The following ZNF107 variants were observed in gnomAD, a reference collection of about 807,000 sequenced individuals.
The protein encoded by ZNF107 is zinc finger protein 107.
ZNF107 carries 19 observed loss-of-function variants against 12.3 expected under a neutral mutation model. That is an observed-to-expected ratio of 1.55 (90% CI 1.08 to 2.27). ZNF107 has a LOEUF of 2.27. ZNF107 is among the 30% of genes most tolerant of loss of function. ZNF107 has a pLI of 0.00. For synonymous variants in ZNF107, 317 were observed against 330.5 expected, an observed-to-expected ratio of 0.96 and a Z score of 0.44; for missense variants, 958 against 979.9, an observed-to-expected ratio of 0.98 and a Z score of 0.30.
At chr7:64,694,269 G>A (rs1201373777) in intron 3 of ZNF107, among the ~76,000 whole-genome samples, 4 of 152,214 alleles carry the variant, frequency 2.6e-5, no homozygotes. Flanking sequence ...GCAGACTGTG[G>A]CTGGGAGAAG....
At position 64,706,742 on chromosome 7, in the gene ZNF107, T is replaced by G; in HGVS notation, c.645T>G (p.Thr215=). The G allele has an allele frequency of 6.2e-7, 1 of 1,612,684 alleles. No individual in the cohort carries two copies. Among genetic ancestry groups the G allele is most frequent in the Non-Finnish European group, 8.5e-7 (1 of 1,179,544 alleles). The change falls in exon 4 of 4, where the codon ACT becomes ACG. Residue 215 remains threonine (T), a synonymous_variant. Coordinates refer to ENST00000620827, the MANE Select transcript of ZNF107 (RefSeq NM_001282359.2). ...ECGKAFNWFS[T]LTKHKRIHTG... is the part of the protein sequence containing the mutation. ...GAAAAGCCTTTAACTGGTTCTCAAC[T>G]CTTACTAAACATAAGAGAATTCATA...
chr7:64,707,317 A>G lies in ZNF107; in HGVS notation c.1220A>G (p.Asn407Ser), dbSNP rs555009767. 1 of 1,613,190 alleles carries G rather than the reference A, an allele frequency of 6.2e-7. No individual in the cohort carries two copies. Among genetic ancestry groups the G allele is most frequent in the Non-Finnish European group, 8.5e-7 (1 of 1,179,702 alleles). ...TGTGAAGAATGTGGCAAAGTCTTTA[A>G]CCAGTTCTCAACTCTTACTAGACAT... ...YKCEECGKVF[N>S]QFSTLTRHKI... The change falls in exon 4 of 4, where the codon AAC (asparagine) becomes AGC (serine). Residue 407 changes from asparagine to serine, a missense_variant. By Grantham distance (46) the Asn-to-Ser change is conservative (BLOSUM62 1). Coordinates refer to ENST00000620827, the MANE Select transcript of ZNF107 (RefSeq NM_001282359.2).
At chr7:64,689,384 C>T (rs1041542538) in intron 1 of ZNF107, 2 of 152,140 alleles carry the variant, frequency 1.3e-5, no homozygotes, top group Admixed American at 6.5e-5. Flanking sequence ...GAGAGTGTTG[C>T]TCTTAGAACT....
rs562052551 is a variant in ZNF107, at chr7:64,686,405, C to G, written c.4-4843C>G. On this transcript the variant is annotated intron_variant, in intron 1 of 3. Transcript: ENST00000620827. ...TCAAGCTATTACCAATCAATCTATGCGACAAATGCTACTCCTAACTGCCCC... is the reference window on the plus strand; with the variant it reads ...TCAAGCTATTACCAATCAATCTATGGGACAAATGCTACTCCTAACTGCCCC... 127 of 526,490 alleles carry G rather than the reference C, an allele frequency of 2.4e-4. 1 individual carries two copies. Among genetic ancestry groups the G allele is most frequent in the Admixed American group, 1.9e-4 (3 of 15,682 alleles). The allele number at this position is 526,490 out of a possible 1,614,324, so 32.6% of individuals were successfully genotyped here. A position where few individuals can be genotyped will look rare whatever the true frequency, so the allele number is the denominator to read the frequency against.
rs1458729867 is a variant in ZNF107, at chr7:64,705,670, G to C, written c.227-654G>C. Among the ~76,000 whole-genome samples the C allele has an allele frequency of 2.0e-5, 3 of 149,134 alleles. 1 individual carries two copies. The highest frequency in any genetic ancestry group is 2.0e-4 in the Admixed American group (3 of 14,974). ...GAGAGTCTTTCAGACATGTTCTTAA[G>C]ATGTGTCTTGTCTGAAATTTTCTAG... On this transcript the variant is annotated intron_variant, in intron 3 of 3. Coordinates refer to ENST00000620827, the MANE Select transcript of ZNF107 (RefSeq NM_001282359.2).
chr7:64,693,572 C>A (rs1790191473), intron 3 of ZNF107, among the ~76,000 whole-genome samples: 1 of 151,848 alleles, frequency 6.6e-6, no homozygotes, highest in Non-Finnish European at 1.5e-5. Flanking sequence ...GCACTAGGGT[C>A]CACCTTTATT....
At chr7:64,692,873 A>G (rs1291039773) in intron 3 of ZNF107, among the ~76,000 whole-genome samples, 1 of 152,112 alleles carries the variant, frequency 6.6e-6, no homozygotes, top group African/African-American at 2.4e-5. Flanking sequence ...TGCTAAGTAT[A>G]TTTATCAGTT....
At chr7:64,699,006 C>A (rs1275094933) in intron 3 of ZNF107, among the ~76,000 whole-genome samples, 1 of 152,002 alleles carries the variant, frequency 6.6e-6, no homozygotes, top group Non-Finnish European at 1.5e-5. Flanking sequence ...CAGATGGGTT[C>A]ATTTCTGGTC....
At chr7:64,700,255 T>A (rs1688775175) in intron 3 of ZNF107, among the ~76,000 whole-genome samples, 1 of 152,102 alleles carries the variant, frequency 6.6e-6, no homozygotes, top group South Asian at 2.1e-4. Flanking sequence ...AACTTCCTCG[T>A]GAATAGCTTG....
At position 64,670,327 on chromosome 7, in the gene ZNF107, G is replaced by C. The variant is rs7786487; in HGVS notation, c.3+4042G>C. 8.3e-3 allele frequency among the ~76,000 whole-genome samples: 1,265 copies of C among 152,024 alleles called. 14 individuals carry two copies. The highest frequency in any genetic ancestry group is 0.028 in the African/African-American group (1,161 of 41,472). On this transcript the variant is annotated intron_variant, in intron 1 of 3. Transcript: ENST00000620827. Reference sequence around the variant, plus strand: ...AGAAGGTTAGAAAGAAGGTCACAGGGGAATGGCAAATGGAGGGTGAAAAAA... The same window carrying C: ...AGAAGGTTAGAAAGAAGGTCACAGGCGAATGGCAAATGGAGGGTGAAAAAA...
At chr7:64,686,707 C>T (rs939544358) in intron 1 of ZNF107, 52 of 935,238 alleles carry the variant, frequency 5.6e-5, no homozygotes, top group African/African-American at 3.1e-4. Context: ...AGAAGAACAA[C>T]GGGTTTCTGT....
intron 3 of ZNF107, among the ~76,000 whole-genome samples, chr7:64,701,017 G>A (rs1414157923): frequency 6.6e-6 from 1 of 152,018 alleles, no homozygotes; most frequent in Non-Finnish European, 1.5e-5. Context: ...ATTTTTGTCA[G>A]TATTTTCTTT....
In ZNF107 at chr7:64,710,317, T is replaced by C. The variant is rs959311177; in HGVS notation, c.*1661T>C. On this transcript the variant is annotated 3_prime_UTR_variant, in exon 4 of 4. Transcript: ENST00000620827. Reference sequence around the variant, plus strand: ...ATATTGGAGAAAAGCACTGTAAATGTAATGCATTTGTGAAAACATTTTTTA... The same window carrying C: ...ATATTGGAGAAAAGCACTGTAAATGCAATGCATTTGTGAAAACATTTTTTA... 2 of 152,206 alleles carry C rather than the reference T, an allele frequency of 1.3e-5. No individual in the cohort carries two copies. Among genetic ancestry groups the C allele is most frequent in the Admixed American group, 6.5e-5 (1 of 15,278 alleles). The allele number at this position is 152,206 out of a possible 1,614,324, so 9.4% of individuals were successfully genotyped here.
chr7:64,679,830 T>C (rs1164320672), intron 1 of ZNF107, among the ~76,000 whole-genome samples: 2 of 152,186 alleles, frequency 1.3e-5, no homozygotes, highest in Non-Finnish European at 2.9e-5. Context: ...TGTCACAAAA[T>C]GGGCAAATGG....
intron 3 of ZNF107, among the ~76,000 whole-genome samples, chr7:64,696,209 T>A (rs1421958158): frequency 6.6e-6 from 1 of 152,128 alleles, no homozygotes; most frequent in Non-Finnish European, 1.5e-5. Context: ...TGCACCACCA[T>A]GGCTGGCTAA....
intron 3 of ZNF107, among the ~76,000 whole-genome samples, chr7:64,702,488 A>C (rs1336782477): frequency 6.6e-6 from 1 of 151,406 alleles, no homozygotes; most frequent in Admixed American, 6.6e-5. Flanking sequence ...AAACCTCTAT[A>C]TTTTTCAGTT....
chr7:64,673,132 C>T (rs1012818345), intron 1 of ZNF107, among the ~76,000 whole-genome samples: 7 of 152,190 alleles, frequency 4.6e-5, no homozygotes, highest in Admixed American at 1.3e-4. Flanking sequence ...CAACCTCTCC[C>T]GCCTGAGTTC....
chr7:64,704,525 C>T (rs1373723442), intron 3 of ZNF107, among the ~76,000 whole-genome samples: 4 of 152,042 alleles, frequency 2.6e-5, no homozygotes, highest in African/African-American at 4.8e-5. Flanking sequence ...ACTACAGGCA[C>T]GAGACACCGC....
At chr7:64,700,124 C>T (rs904012390) in intron 3 of ZNF107, among the ~76,000 whole-genome samples, 13 of 149,630 alleles carry the variant, frequency 8.7e-5, no homozygotes, top group African/African-American at 3.2e-4. Context: ...TTATACATGT[C>T]TGTTAAGCTT....
Sources: allele counts gnomAD v4.1 joint callset (sites outside exome capture counted in the v4.1 genomes callset), GRCh38; gene constraint gnomAD v4.1.1; transcripts MANE v1.5; gene names NCBI Gene and HGNC (gene_info 2026-07-23, HGNC 2026-07-21).